The following BEST4 variants were observed in gnomAD, a reference collection of about 807,000 sequenced individuals.
BEST4 encodes the protein bestrophin 4.
In BEST4, 36 loss-of-function variants were observed where a neutral mutation model predicts 47.1. The observed-to-expected ratio is 0.76, with a 90% CI of 0.59 to 1.01. The LOEUF is 1.01. BEST4 is among the 50% of genes least tolerant of loss of function. The pLI is 0.00. For missense variants in BEST4, 550 were observed against 648.6 expected (o/e 0.85, Z 1.65); for synonymous variants, 250 against 277.8 (o/e 0.90, Z 1.00).
chr1:44,785,324 G>A lies in BEST4; in HGVS notation c.715-19C>T, dbSNP rs1423005097. On this transcript the variant is annotated intron_variant, in intron 5 of 8. Transcript: ENST00000372207. The stretch of plus-strand genomic sequence containing the variant: ...TCACCACCTGGAGAATGAAGAGCCA[G>A]GCTCAGTGCAGGATGCAGCGGGCCA... 1 of 1,570,546 alleles carries A rather than the reference G, an allele frequency of 6.4e-7. No individual in the cohort carries two copies. The highest frequency in any genetic ancestry group is 8.6e-7 in the Non-Finnish European group (1 of 1,156,892).
upstream of BEST4, among the ~76,000 whole-genome samples, chr1:44,788,358 C>T (rs1293152344): frequency 6.6e-6 from 1 of 152,162 alleles, no homozygotes; most frequent in South Asian, 2.1e-4. Flanking sequence ...CTATACTGAC[C>T]CCACAGCTCA....
chr1:44,792,819 C>T (rs188706745), upstream of BEST4, among the ~76,000 whole-genome samples: 1 of 152,134 alleles, frequency 6.6e-6, no homozygotes, highest in African/African-American at 2.4e-5. Context: ...ACAAAAAATA[C>T]AAAAAACTAG....
rs983094970 is a variant in BEST4 at position 44,784,174 on chromosome 1, G to A, written c.*36C>T. On this transcript the variant is annotated 3_prime_UTR_variant, in exon 9 of 9. Coordinates refer to ENST00000372207, the MANE Select transcript of BEST4 (RefSeq NM_153274.3). This position sits in a 1 kb window ranked among gnomAD's most constrained non-coding sequence, Gnocchi z 6.2. ...CCGGGCACGGGAGGGAAGGAGGGCA[G>A]TGGGTGGGGGAAACCGGGCGGGGGC... The A allele has an allele frequency of 3.6e-6, 5 of 1,379,892 alleles. No homozygotes were observed. Among genetic ancestry groups the A allele is most frequent in the South Asian group, 3.3e-5 (2 of 60,096 alleles). 85.5% of individuals were successfully genotyped at this position (1,379,892 alleles called of 1,614,324 possible). A position where few individuals can be genotyped will look rare whatever the true frequency, so the allele number is the denominator to read the frequency against.
chr1:44,783,295 G>A (rs1651096158), downstream of BEST4, among the ~76,000 whole-genome samples: 1 of 152,158 alleles, frequency 6.6e-6, no homozygotes, highest in East Asian at 1.9e-4. Context: ...TGCCCCCAGC[G>A]CTGCAGGCCC....
At chr1:44,792,203 T>C (rs1651430081), upstream of BEST4, among the ~76,000 whole-genome samples, 1 of 151,612 alleles carries the variant, frequency 6.6e-6, no homozygotes, top group East Asian at 1.9e-4. Context: ...GATCATGCCA[T>C]TGCACTTGAG....
At chr1:44,789,395 C>CA (rs35605473), upstream of BEST4, among the ~76,000 whole-genome samples, 256 of 76,988 alleles carry the variant, frequency 3.3e-3, 2 homozygotes, top group African/African-American at 6.9e-3. Flanking sequence ...GACTCTGTCT[C>CA]AAAAAAAAAA....
chr1:44,789,511 C>A (rs530113661), upstream of BEST4, among the ~76,000 whole-genome samples: 66 of 151,738 alleles, frequency 4.3e-4, 1 homozygote, highest in East Asian at 5.4e-3. Flanking sequence ...TCAGCCTGAC[C>A]AACATGGAGA....
Position 44,784,449 on chromosome 1 carries a change from C to T in BEST4, c.1183G>A (p.Glu395Lys), listed in dbSNP as rs921674906. ...SDDPEQSLQV[E>K]ASPGSGRPAP... Reference sequence around the variant, plus strand: ...GGCCGACCAGATCCGGGGGACGCCTCCACCTGCAGGCTCTGCTCAGGGTCG... The same window carrying T: ...GGCCGACCAGATCCGGGGGACGCCTTCACCTGCAGGCTCTGCTCAGGGTCG... The change falls in exon 9 of 9, where the codon GAG becomes AAG. Residue 395 changes from glutamate to lysine, a missense_variant. Around this residue, in one of 3 missense-constraint regions of BEST4, gnomAD observed 255 missense variants for 286.6 expected, o/e 0.89. Transcript: ENST00000372207. The surrounding 1 kb of genome is among the most constrained non-coding windows in gnomAD (Gnocchi z 6.2). 2.1e-5 allele frequency: 31 copies of T among 1,442,620 alleles called. No individual in the cohort carries two copies. The highest frequency in any genetic ancestry group is 2.3e-5 in the Non-Finnish European group (26 of 1,108,020). The allele number at this position is 1,442,620 out of a possible 1,614,324, so 89.4% of individuals were successfully genotyped here.
rs1017926003 is a variant in BEST4, at chr1:44,783,680, A to T, written c.*530T>A. 1 of 152,620 alleles carries T rather than the reference A, an allele frequency of 6.6e-6. No homozygotes were observed. The highest frequency in any genetic ancestry group is 2.4e-5 in the African/African-American group (1 of 41,456). 9.5% of individuals were successfully genotyped at this position (152,620 alleles called of 1,614,324 possible). ...CCAGCACACACTGACCCTTCTTTTG[A>T]GTAAGGTTACCAGGGTAAGGTATAC... On this transcript the variant is annotated 3_prime_UTR_variant, in exon 9 of 9. Coordinates refer to ENST00000372207, the MANE Select transcript of BEST4 (RefSeq NM_153274.3).
Position 44,786,606 on chromosome 1 carries a change from C to G in BEST4, c.338G>C (p.Ser113Thr). The G allele has an allele frequency of 2.6e-6, 4 of 1,551,292 alleles. No homozygotes were observed. The highest frequency in any genetic ancestry group is 3.5e-6 in the Non-Finnish European group (4 of 1,147,010). The change falls in exon 3 of 9, where the codon AGC becomes ACC. Residue 113 changes from serine to threonine, a missense_variant. Physicochemically the swap from Ser to Thr is moderately conservative, Grantham distance 58 (BLOSUM62 1). This residue lies in a region of BEST4 where 291 missense variants were observed against 342.4 expected (regional missense o/e 0.85). Coordinates refer to ENST00000372207, the MANE Select transcript of BEST4 (RefSeq NM_153274.3). This position sits in a 1 kb window ranked among gnomAD's most constrained non-coding sequence, Gnocchi z 4.9. ...GCCCCGCTGGTCCACGCCGTGCACGCTAGCCGAGATGACGCACATCAGCTG... is the reference window on the plus strand; with the variant it reads ...GCCCCGCTGGTCCACGCCGTGCACGGTAGCCGAGATGACGCACATCAGCTG... ...PDQLMCVISA[S>T]VHGVDQRGRL...
upstream of BEST4, among the ~76,000 whole-genome samples, chr1:44,788,238 C>T (rs892117364): frequency 2.0e-5 from 3 of 152,190 alleles, no homozygotes; most frequent in African/African-American, 7.2e-5. Context: ...GGACTGAGGC[C>T]TATCATTGAT....
At chr1:44,782,363 T>C (rs1651065682), downstream of BEST4, among the ~76,000 whole-genome samples, 1 of 152,032 alleles carries the variant, frequency 6.6e-6, no homozygotes, top group African/African-American at 2.4e-5. Context: ...CGCGGTGGCT[T>C]ACGCCTGTAA....
Position 44,784,840 on chromosome 1 carries a change from T to C in BEST4, c.994-57A>G. The C allele has an allele frequency of 6.2e-7, 1 of 1,609,300 alleles. No homozygotes were observed. The highest frequency in any genetic ancestry group is 8.5e-7 in the Non-Finnish European group (1 of 1,177,282). ...TCTCCTCTCCTTCCCACGGCCGGGC[T>C]GAGAGCTGACCGGGAGAGGGGGCCC... On this transcript the variant is annotated intron_variant, in intron 7 of 8. Transcript: ENST00000372207. The surrounding 1 kb of genome is among the most constrained non-coding windows in gnomAD (Gnocchi z 6.2).
Position 44,784,502 on chromosome 1 carries a change from G to GCC in BEST4, c.1149-20_1149-19insGG. The GCC allele has an allele frequency of 1.3e-5, 5 of 399,752 alleles. No individual in the cohort carries two copies. Among genetic ancestry groups the GCC allele is most frequent in the Non-Finnish European group, 1.9e-5 (4 of 210,168 alleles). 24.8% of individuals were successfully genotyped at this position (399,752 alleles called of 1,614,324 possible). Reference sequence around the variant, plus strand: ...GCTCATGCTGCGGGCGGGAGGGCGGGCTGAGCCGGGGCACAGGGCGGGAGC... The same window carrying GCC: ...GCTCATGCTGCGGGCGGGAGGGCGGGCCCTGAGCCGGGGCACAGGGCGGGAGC... On this transcript the variant is annotated intron_variant, in intron 8 of 8. Transcript: ENST00000372207. This position sits in a 1 kb window ranked among gnomAD's most constrained non-coding sequence, Gnocchi z 6.2.
At chr1:44,791,959 G>A (rs1293271750), upstream of BEST4, among the ~76,000 whole-genome samples, 3 of 152,106 alleles carry the variant, frequency 2.0e-5, no homozygotes, top group Non-Finnish European at 4.4e-5. Flanking sequence ...TTCCCCATGA[G>A]AGGCCGGGTG....
rs1651234137 is a variant in BEST4, at chr1:44,786,381, C to T, written c.481+82G>A. 1.4e-6 allele frequency: 2 copies of T among 1,425,742 alleles called. No individual in the cohort carries two copies. The highest frequency in any genetic ancestry group is 1.9e-6 in the Non-Finnish European group (2 of 1,070,958). 88.3% of individuals were successfully genotyped at this position (1,425,742 alleles called of 1,614,324 possible). A position where few individuals can be genotyped will look rare whatever the true frequency, so the allele number is the denominator to read the frequency against. ...CGCAGTCCAGACCCTTCCCTGGAGG[C>T]CCCTGCTCCCAGGACTCTCCCAGGC... On this transcript the variant is annotated intron_variant, in intron 3 of 8. Coordinates refer to ENST00000372207, the MANE Select transcript of BEST4 (RefSeq NM_153274.3). This position sits in a 1 kb window ranked among gnomAD's most constrained non-coding sequence, Gnocchi z 4.9.
At position 44,786,506 on chromosome 1, in the gene BEST4, G is replaced by A. The variant is rs1231794367; in HGVS notation, c.438C>T (p.Arg146=). Residue 146 remains arginine (R), a synonymous_variant, in exon 3 of 9, where the codon CGC becomes CGT. Coordinates refer to ENST00000372207, the MANE Select transcript of BEST4 (RefSeq NM_153274.3). The surrounding 1 kb of genome is among the most constrained non-coding windows in gnomAD (Gnocchi z 4.9). The stretch of plus-strand genomic sequence containing the variant: ...CCATGGTGGGGAAGCGCTTAAGCAC[G>A]CGGGTGCTGACCGAGCGCAGCACCA... ...SVLVLRSVST[R]VLKRFPTMEH... is the part of the protein sequence containing the mutation. The A allele has an allele frequency of 5.2e-6, 8 of 1,545,584 alleles. No homozygotes were observed. In the Admixed American group the frequency reaches 1.4e-4, roughly 26 times the overall value.
chr1:44,786,622 A>C lies in BEST4; in HGVS notation c.322T>G (p.Cys108Gly). The C allele has an allele frequency of 6.4e-7, 1 of 1,551,570 alleles. No individual in the cohort carries two copies. The highest frequency in any genetic ancestry group is 8.7e-7 in the Non-Finnish European group (1 of 1,146,984). The change falls in exon 3 of 9, where the codon TGC (cysteine) becomes GGC (glycine). Residue 108 changes from cysteine to glycine, a missense_variant. Physicochemically the swap from Cys to Gly is radical, Grantham distance 159 (BLOSUM62 -3). Around this residue, in one of 3 missense-constraint regions of BEST4, gnomAD observed 291 missense variants for 342.4 expected, o/e 0.85. Coordinates refer to ENST00000372207, the MANE Select transcript of BEST4 (RefSeq NM_153274.3). This position sits in a 1 kb window ranked among gnomAD's most constrained non-coding sequence, Gnocchi z 4.9. ...TSIPLPDQLMCVISASVHGVD... is the reference protein window; with the variant it reads ...TSIPLPDQLMGVISASVHGVD... The stretch of plus-strand genomic sequence containing the variant: ...CCGTGCACGCTAGCCGAGATGACGC[A>C]CATCAGCTGGTCTGGCAGCGGGATG...
chr1:44,789,023 C>T (rs556459834), upstream of BEST4, among the ~76,000 whole-genome samples: 81 of 152,140 alleles, frequency 5.3e-4, no homozygotes, highest in African/African-American at 1.8e-3. Context: ...GCAGCCTCAA[C>T]GCAGGTGGAT....
Sources: allele counts gnomAD v4.1 joint callset (sites outside exome capture counted in the v4.1 genomes callset), GRCh38; gene constraint gnomAD v4.1.1; regional missense constraint gnomAD v4.1.1; non-coding constraint Gnocchi (gnomAD v3.1); transcripts MANE v1.5; gene names NCBI Gene and HGNC (gene_info 2026-07-23, HGNC 2026-07-21).